BRINP1: variants seen among roughly 807,000 people sequenced by gnomAD.
BRINP1 encodes the protein BMP/retinoic acid inducible neural specific 1.
A neutral mutation model predicts 72.9 loss-of-function variants in BRINP1; 17 were observed. That is an observed-to-expected ratio of 0.23 (90% confidence interval 0.16 to 0.35). The LOEUF (loss-of-function observed/expected upper bound fraction) is 0.35, where lower values mean the gene tolerates loss of function less well. Ranked by LOEUF, BRINP1 falls within the 10% of genes least tolerant of loss-of-function variation. The pLI, the probability that BRINP1 is intolerant of heterozygous loss-of-function variation, is 1.00. For missense variants in BRINP1, 850 were observed against 1,001.6 expected, an observed-to-expected ratio of 0.85 and a Z score of 2.04; for synonymous variants, 418 against 378.5, an observed-to-expected ratio of 1.10 and a Z score of -1.21.
Position 119,238,733 on chromosome 9 carries a change from C to T in BRINP1, c.607G>A (p.Gly203Ser). 1 of 1,610,752 alleles carries T rather than the reference C, an allele frequency of 6.2e-7. No individual in the cohort carries two copies. Among genetic ancestry groups the T allele is most frequent in the Non-Finnish European group, 8.5e-7 (1 of 1,178,882 alleles). The change falls in exon 5 of 8, where the codon GGC becomes AGC. Residue 203 changes from glycine to serine, a missense_variant. Coordinates refer to ENST00000265922, the MANE Select transcript of BRINP1 (RefSeq NM_014618.3). The part of the protein sequence containing the change: ...KVTETRTGPL[G>S]CNSYDNLDSV... ...TCCAGATTGTCATAGCTGTTACAGCCCAGAGGCCCAGTGCGTGTCTCTGTG... is the reference window on the plus strand; with the variant it reads ...TCCAGATTGTCATAGCTGTTACAGCTCAGAGGCCCAGTGCGTGTCTCTGTG...
At chr9:119,301,661 C>G (rs945629712) in intron 2 of BRINP1, among the ~76,000 whole-genome samples, 1 of 152,062 alleles carries the variant, frequency 6.6e-6, no homozygotes, top group Admixed American at 6.6e-5. Flanking sequence ...TATACACACT[C>G]TGTGTATATT....
At chr9:119,343,667 A>C (rs1831425390) in intron 1 of BRINP1, among the ~76,000 whole-genome samples, 1 of 151,800 alleles carries the variant, frequency 6.6e-6, no homozygotes, top group African/African-American at 2.4e-5. Context: ...TTCCTCCCTC[A>C]CTCAGTCCCC....
chr9:119,362,419 C>G (rs943087463), intron 1 of BRINP1, among the ~76,000 whole-genome samples: 3 of 152,134 alleles, frequency 2.0e-5, no homozygotes, highest in African/African-American at 7.2e-5. Flanking sequence ...TAGACTTCCC[C>G]TTACCCAAAA....
Position 119,168,855 on chromosome 9 carries a change from G to A in BRINP1, c.1146-631C>T, listed in dbSNP as rs1829355629. Among the ~76,000 whole-genome samples the A allele has an allele frequency of 2.0e-5, 3 of 152,180 alleles. No homozygotes were observed. The South Asian group carries it at 6.2e-4, about 31-fold the overall frequency. Reference sequence around the variant, plus strand: ...CAACAGATGATGGAGAAGGTGTGGAGAAACAGGAACACTTTTACACTGTTG... The same window carrying A: ...CAACAGATGATGGAGAAGGTGTGGAAAAACAGGAACACTTTTACACTGTTG... On this transcript the variant is annotated intron_variant, in intron 7 of 7. Transcript: ENST00000265922.
intron 2 of BRINP1, among the ~76,000 whole-genome samples, chr9:119,262,471 A>T (rs1830505846): frequency 6.6e-6 from 1 of 151,582 alleles, no homozygotes; most frequent in South Asian, 2.1e-4. Flanking sequence ...GTCTCTACTA[A>T]AAATAAAAAA....
At chr9:119,327,723 G>GTTCCCTCAT (rs779861983) in intron 1 of BRINP1, among the ~76,000 whole-genome samples, 38 of 152,146 alleles carry the variant, frequency 2.5e-4, no homozygotes, top group Non-Finnish European at 3.5e-4. Flanking sequence ...AAAGGAAGGT[G>GTTCCCTCAT]TATACAATGA....
rs150346960 is a variant in BRINP1, at chr9:119,342,058, G to A, written c.-51+26998C>T. ...GCTGGGATTACAGGCATGAGCCACC[G>A]CACCCAGCCTGTATTATTTTTTAAC... On this transcript the variant is annotated intron_variant, in intron 1 of 7. Transcript: ENST00000265922. Among the ~76,000 whole-genome samples the A allele has an allele frequency of 4.7e-3, 716 of 152,076 alleles. 4 individuals are homozygous for A. The highest frequency in any genetic ancestry group is 0.016 in the African/African-American group (666 of 41,416).
At chr9:119,202,745 G>A (rs1259972794) in intron 7 of BRINP1, among the ~76,000 whole-genome samples, 1 of 152,066 alleles carries the variant, frequency 6.6e-6, no homozygotes, top group Non-Finnish European at 1.5e-5. Context: ...AATATATAAT[G>A]ACTACCCAAT....
At chr9:119,278,371 G>A (rs893108683) in intron 2 of BRINP1, among the ~76,000 whole-genome samples, 2 of 152,200 alleles carry the variant, frequency 1.3e-5, no homozygotes, top group African/African-American at 2.4e-5. Flanking sequence ...AGGCAGGGCC[G>A]CCTTGCTGAC....
At chr9:119,235,483 C>T (rs953207298) in intron 5 of BRINP1, among the ~76,000 whole-genome samples, 3 of 152,102 alleles carry the variant, frequency 2.0e-5, no homozygotes, top group African/African-American at 7.2e-5. Flanking sequence ...TCCTGACTCC[C>T]TGGTACGTTA....
intron 5 of BRINP1, among the ~76,000 whole-genome samples, chr9:119,234,483 A>G (rs1302591580): frequency 6.6e-6 from 1 of 151,642 alleles, no homozygotes; most frequent in Non-Finnish European, 1.5e-5. Context: ...TTTCTTTTTG[A>G]CTTCAGAAGT....
chr9:119,353,872 C>T (rs1405846316), intron 1 of BRINP1, among the ~76,000 whole-genome samples: 2 of 112,956 alleles, frequency 1.8e-5, no homozygotes, highest in Admixed American at 1.2e-4. Context: ...TCACAGCCCA[C>T]GGTGAGATAA....
At chr9:119,192,107 T>C (rs1248963835) in intron 7 of BRINP1, among the ~76,000 whole-genome samples, 1 of 151,886 alleles carries the variant, frequency 6.6e-6, no homozygotes, top group African/African-American at 2.4e-5. Context: ...CAATTCAAAA[T>C]GGATAAAAGG....
intron 2 of BRINP1, among the ~76,000 whole-genome samples, chr9:119,305,460 C>T (rs927591337): frequency 1.3e-5 from 2 of 152,132 alleles, no homozygotes; most frequent in Non-Finnish European, 2.9e-5. Flanking sequence ...AACCTTATGC[C>T]CTACTATCAG....
chr9:119,335,038 G>A (rs548058296), intron 1 of BRINP1, among the ~76,000 whole-genome samples: 2 of 152,294 alleles, frequency 1.3e-5, no homozygotes, highest in Admixed American at 1.3e-4. Flanking sequence ...ATGCACTGCT[G>A]GAGAGCAGGG....
chr9:119,228,625 AT>A (rs1202200158), intron 5 of BRINP1, among the ~76,000 whole-genome samples: 1 of 152,098 alleles, frequency 6.6e-6, no homozygotes, highest in Non-Finnish European at 1.5e-5. Flanking sequence ...ACTATGTAGA[AT>A]GCCATTGAGT....
intron 7 of BRINP1, among the ~76,000 whole-genome samples, chr9:119,202,725 A>C (rs148431124): frequency 2.6e-5 from 4 of 152,192 alleles, no homozygotes; most frequent in Non-Finnish European, 5.9e-5. Flanking sequence ...CAGATCCTCA[A>C]ACAGAACCTA....
intron 3 of BRINP1, among the ~76,000 whole-genome samples, chr9:119,245,646 T>C (rs1830307056): frequency 6.6e-6 from 1 of 152,204 alleles, no homozygotes; most frequent in Admixed American, 6.5e-5. Flanking sequence ...CCTCTGCTTC[T>C]CCATTCCCAT....
Position 119,222,416 on chromosome 9 carries a change from G to A in BRINP1, c.686-8261C>T, listed in dbSNP as rs140348498. Among the ~76,000 whole-genome samples, 358 of 152,042 alleles carry A rather than the reference G, an allele frequency of 2.4e-3. 3 individuals carry two copies. The highest frequency in any genetic ancestry group is 8.2e-3 in the African/African-American group (339 of 41,494). ...TGAGCAGTTGCTACAGAGAACATGCGGCCCACAAAGCCTAAAATATTAATT... is the reference window on the plus strand; with the variant it reads ...TGAGCAGTTGCTACAGAGAACATGCAGCCCACAAAGCCTAAAATATTAATT... On this transcript the variant is annotated intron_variant, in intron 5 of 7. Coordinates refer to ENST00000265922, the MANE Select transcript of BRINP1 (RefSeq NM_014618.3).
Sources: gnomAD v4.1 joint callset for allele counts (sites outside exome capture counted in the v4.1 genomes callset) on GRCh38, gnomAD v4.1.1 for gene constraint, MANE v1.5 for transcripts, NCBI Gene and HGNC (gene_info 2026-07-23, HGNC 2026-07-21) for gene names.